RASGRP1: variants seen among roughly 807,000 people sequenced by gnomAD.
RASGRP1 encodes the protein RAS guanyl releasing protein 1.
Under a neutral mutation model 95.1 loss-of-function variants are expected in RASGRP1, and 37 were observed. That is an observed-to-expected ratio of 0.39 (90% CI 0.30 to 0.51). The LOEUF (loss-of-function observed/expected upper bound fraction) is 0.51. Among genes scored for constraint, RASGRP1 ranks in the 20% least tolerant of loss-of-function variants. The pLI, the probability that RASGRP1 is intolerant of heterozygous loss-of-function variation, is 0.80. For missense variants in RASGRP1, 711 were observed against 965.4 expected (o/e 0.74, Z 3.49); for synonymous variants, 325 against 353.4 (o/e 0.92, Z 0.90).
intron 3 of RASGRP1, among the ~76,000 whole-genome samples, chr15:38,520,647 T>C (rs1362069393): frequency 6.6e-6 from 1 of 152,186 alleles, no homozygotes; most frequent in Non-Finnish European, 1.5e-5. Flanking sequence ...TTACTGTTTA[T>C]AAATTTAATC....
chr15:38,488,689 T>C lies in RASGRP1; in HGVS notation c.*1865A>G, dbSNP rs895160972. The C allele has an allele frequency of 6.6e-6, 1 of 151,928 alleles. No individual in the cohort carries two copies. Among genetic ancestry groups the C allele is most frequent in the African/African-American group, 2.4e-5 (1 of 41,424 alleles). 9.4% of individuals were successfully genotyped at this position (151,928 alleles called of 1,614,324 possible). The stretch of plus-strand genomic sequence containing the variant: ...TGGAGAGGAGGAAGAATGAAAAAAA[T>C]TGTGTTCCATTACTGTTTTAAAAAA... On this transcript the variant is annotated 3_prime_UTR_variant, in exon 17 of 17. Coordinates refer to ENST00000310803, the MANE Select transcript of RASGRP1 (RefSeq NM_005739.4).
At chr15:38,518,978 T>C (rs1446047164) in intron 4 of RASGRP1, among the ~76,000 whole-genome samples, 1 of 152,220 alleles carries the variant, frequency 6.6e-6, no homozygotes, top group Non-Finnish European at 1.5e-5. Flanking sequence ...GTGATCATTA[T>C]TATAGTTATA....
intron 3 of RASGRP1, among the ~76,000 whole-genome samples, chr15:38,526,018 G>GA (rs1282152120): frequency 6.6e-6 from 1 of 152,062 alleles, no homozygotes; most frequent in Non-Finnish European, 1.5e-5. Flanking sequence ...ACACTCTACA[G>GA]AAAAAATATT....
At chr15:38,515,349 A>G (rs1006180965) in intron 6 of RASGRP1, among the ~76,000 whole-genome samples, 9 of 152,192 alleles carry the variant, frequency 5.9e-5, no homozygotes, top group Admixed American at 2.0e-4. Context: ...ACGGAGGTGA[A>G]GACTGTATCT....
At chr15:38,554,721 T>C (rs940630530) in intron 2 of RASGRP1, among the ~76,000 whole-genome samples, 1 of 152,202 alleles carries the variant, frequency 6.6e-6, no homozygotes, top group Non-Finnish European at 1.5e-5. Flanking sequence ...TAATTCATTC[T>C]AGAGGGCTAA....
chr15:38,497,651 T>C (rs756197451), intron 15 of RASGRP1, among the ~76,000 whole-genome samples: 2 of 152,214 alleles, frequency 1.3e-5, no homozygotes, highest in Non-Finnish European at 2.9e-5. Context: ...GCATTGTTTC[T>C]AAACTGCTCT....
At chr15:38,521,279 TC>T (rs1488066064) in intron 3 of RASGRP1, among the ~76,000 whole-genome samples, 2 of 152,222 alleles carry the variant, frequency 1.3e-5, no homozygotes, top group East Asian at 3.8e-4. Context: ...TTTTTATTCT[TC>T]CATTTTAAAG....
At chr15:38,539,750 T>G (rs1039904187) in intron 2 of RASGRP1, among the ~76,000 whole-genome samples, 2 of 151,454 alleles carry the variant, frequency 1.3e-5, no homozygotes, top group Non-Finnish European at 2.9e-5. Context: ...GTCCCCAGAG[T>G]GTGATGTTCC....
chr15:38,523,566 T>C (rs553213885), intron 3 of RASGRP1, among the ~76,000 whole-genome samples: 1 of 152,162 alleles, frequency 6.6e-6, no homozygotes, highest in East Asian at 1.9e-4. Flanking sequence ...CCTAAGTATA[T>C]AGTGTTTATA....
chr15:38,496,059 C>G (rs1377840905), intron 15 of RASGRP1, among the ~76,000 whole-genome samples: 2 of 151,988 alleles, frequency 1.3e-5, no homozygotes, highest in African/African-American at 4.8e-5. Flanking sequence ...ACAGTGTTAA[C>G]AGAAATTAGG....
Position 38,548,343 on chromosome 15 carries a change from A to G in RASGRP1, c.220+11478T>C, listed in dbSNP as rs543238990. Among the ~76,000 whole-genome samples, 195 of 152,278 alleles carry G rather than the reference A, an allele frequency of 1.3e-3. No homozygotes were observed. The South Asian group carries it at 0.014, about 11-fold the overall frequency. ...TTTGGAAGGCTGAGGTGAGCAGATC[A>G]CTTGAGCCCAGGAGTTTGGGGCCAG... On this transcript the variant is annotated intron_variant, in intron 2 of 16. Transcript: ENST00000310803.
chr15:38,511,425 T>TA (rs1366877804), intron 8 of RASGRP1, among the ~76,000 whole-genome samples, 179 bp downstream of exon 8: 1 of 152,172 alleles, frequency 6.6e-6, no homozygotes, highest in Non-Finnish European at 1.5e-5. Context: ...ACAGTTACTC[T>TA]AAAAAATGTG....
intron 1 of RASGRP1, 41 bp from the exon 2 acceptor site, chr15:38,560,046 C>T: frequency 1.3e-6 from 2 of 1,512,856 alleles, no homozygotes; most frequent in Non-Finnish European, 9.1e-7. Flanking sequence ...AAACGGGCAG[C>T]TCCACGCTCT....
chr15:38,545,100 C>G (rs1013416684), intron 2 of RASGRP1, among the ~76,000 whole-genome samples: 1 of 152,152 alleles, frequency 6.6e-6, no homozygotes, highest in Non-Finnish European at 1.5e-5. Flanking sequence ...CTCATACTAG[C>G]TCTTCTATGG....
At chr15:38,525,725 T>C (rs1892193676) in intron 3 of RASGRP1, among the ~76,000 whole-genome samples, 1 of 152,172 alleles carries the variant, frequency 6.6e-6, no homozygotes, top group African/African-American at 2.4e-5. Flanking sequence ...GGCTGCTGCT[T>C]ACAGTGTCAT....
intron 3 of RASGRP1, among the ~76,000 whole-genome samples, chr15:38,525,799 A>G (rs1364791864): frequency 1.3e-5 from 2 of 152,152 alleles, no homozygotes; most frequent in Admixed American, 1.3e-4. Context: ...TAATAAGGTT[A>G]AAGTCCAGCA....
At chr15:38,556,703 T>C (rs1284352802) in intron 2 of RASGRP1, among the ~76,000 whole-genome samples, 1 of 152,202 alleles carries the variant, frequency 6.6e-6, no homozygotes, top group Non-Finnish European at 1.5e-5. Flanking sequence ...AAATGAAATC[T>C]TACATTTAAC....
intron 4 of RASGRP1, among the ~76,000 whole-genome samples, chr15:38,518,935 A>T (rs1395004218): frequency 1.3e-5 from 2 of 152,234 alleles, no homozygotes; most frequent in African/African-American, 4.8e-5. Context: ...AACAAGACAA[A>T]GGAAATACAC....
At chr15:38,524,990 CAG>C (rs1482198596) in intron 3 of RASGRP1, among the ~76,000 whole-genome samples, 2 of 144,616 alleles carry the variant, frequency 1.4e-5, no homozygotes, top group East Asian at 4.0e-4. Flanking sequence ...TTTTTTGAGA[CAG>C]AGTCTCACTT....
Sources: allele counts gnomAD v4.1 joint callset (sites outside exome capture counted in the v4.1 genomes callset), GRCh38; gene constraint gnomAD v4.1.1; transcripts MANE v1.5; gene names NCBI Gene and HGNC (gene_info 2026-07-23, HGNC 2026-07-21).